Variants in CDH23 observed in about 807,000 individuals in gnomAD.
CDH23 encodes the protein cadherin related 23.
In CDH23, 189 loss-of-function variants were observed where a neutral mutation model predicts 317.1. The ratio of observed to expected loss-of-function variants is 0.60; its 90% CI spans 0.53 to 0.67. CDH23 has a LOEUF of 0.67. CDH23 is among the 30% of genes least tolerant of loss of function. CDH23 has a pLI of 0.00. For synonymous variants in CDH23, 1,839 were observed against 1,876.8 expected (o/e 0.98, Z 0.52); for missense variants, 4,401 against 4,592.4 (o/e 0.96, Z 1.20).
rs1442861833 is a variant in CDH23, at chr10:71,445,804, C to T, written c.68-514C>T. ...TCCGGCCTGCCGTGAGCCATGATCA[C>T]ACTGCTACTCTTCAGCCTGGGTGAC... is the stretch of plus-strand genomic sequence containing the variant. On this transcript the variant is annotated intron_variant, in intron 2 of 69. Coordinates refer to ENST00000224721, the MANE Select transcript of CDH23 (RefSeq NM_022124.6). 3.7e-5 allele frequency among the ~76,000 whole-genome samples: 5 copies of T among 135,658 alleles called. No individual in the cohort carries two copies. The East Asian group carries it at 9.5e-4, about 26-fold the overall frequency. The allele number at this position is 135,658 out of a possible 152,430, so 89.0% of individuals were successfully genotyped here. A position where few individuals can be genotyped will look rare whatever the true frequency, so the allele number is the denominator to read the frequency against.
At chr10:71,602,594 G>C (rs895615354) in intron 9 of CDH23, among the ~76,000 whole-genome samples, 4 of 152,078 alleles carry the variant, frequency 2.6e-5, no homozygotes, top group South Asian at 4.2e-4. Flanking sequence ...AGTTTCAGGG[G>C]CACCAACCCT....
intron 11 of CDH23, among the ~76,000 whole-genome samples, chr10:71,625,138 C>T (rs1024832693): frequency 1.3e-5 from 2 of 151,848 alleles, no homozygotes; most frequent in African/African-American, 2.4e-5. Flanking sequence ...TGGCATGAGA[C>T]GCACCCCCAC....
intron 38 of CDH23, among the ~76,000 whole-genome samples, chr10:71,746,570 G>T (rs1444574984): frequency 6.6e-6 from 1 of 152,198 alleles, no homozygotes; most frequent in Non-Finnish European, 1.5e-5. Context: ...GGCCAGGCTT[G>T]GGGGAGGGGT....
chr10:71,797,054 G>C (rs1003324013), intron 48 of CDH23, 50 bp from the exon 49 acceptor site: 1 of 1,293,760 alleles, frequency 7.7e-7, no homozygotes. Flanking sequence ...GGGAAGGGCA[G>C]ATTTTAGGGG....
intron 8 of CDH23, 60 bp from the exon 9 acceptor site, chr10:71,577,854 C>A: frequency 7.0e-7 from 1 of 1,419,354 alleles, no homozygotes; most frequent in Non-Finnish European, 9.7e-7. Flanking sequence ...GCCATGATAG[C>A]TACAAAGAAA....
At chr10:71,673,768 G>T (rs139920893) in intron 14 of CDH23, among the ~76,000 whole-genome samples, 85 of 152,356 alleles carry the variant, frequency 5.6e-4, no homozygotes, top group African/African-American at 1.9e-3. Flanking sequence ...CTACCTCACA[G>T]GGCTGTTGTG....
intron 6 of CDH23, among the ~76,000 whole-genome samples, chr10:71,539,691 C>A (rs551819232): frequency 6.6e-6 from 1 of 151,998 alleles, no homozygotes; most frequent in East Asian, 1.9e-4. Flanking sequence ...CTCCACTCTA[C>A]TTCTTTGCTC....
At chr10:71,803,178 A>T in intron 54 of CDH23, 31 bp from the exon 55 acceptor site, 1 of 1,607,146 alleles carries the variant, frequency 6.2e-7, no homozygotes, top group South Asian at 1.1e-5. Flanking sequence ...GGATGTCTCA[A>T]CCAGAGCTAC....
chr10:71,815,868 A>G lies in CDH23; in HGVS notation c.*590A>G, dbSNP rs1842118861. ...CCAAATGTGTGCCCAGCTTATAAAC[A>G]GAAGTGACTGATGTTCCCTCCGGTT... On this transcript the variant is annotated 3_prime_UTR_variant, in exon 70 of 70. Transcript: ENST00000224721. 6.4e-6 allele frequency: 1 copy of G among 157,024 alleles called. No homozygotes were observed. The highest frequency in any genetic ancestry group is 6.1e-5 in the Admixed American group (1 of 16,414). The allele number at this position is 157,024 out of a possible 1,614,324, so 9.7% of individuals were successfully genotyped here.
chr10:71,773,692 C>A (rs887949800), intron 38 of CDH23, among the ~76,000 whole-genome samples: 1 of 152,204 alleles, frequency 6.6e-6, no homozygotes, highest in African/African-American at 2.4e-5. Context: ...TGCGTCCCAG[C>A]GAGTCAGCTC....
intron 1 of CDH23, among the ~76,000 whole-genome samples, chr10:71,428,619 C>T (rs1479436725): frequency 1.3e-5 from 2 of 151,250 alleles, no homozygotes; most frequent in African/African-American, 4.9e-5. Flanking sequence ...GATGGAGTCT[C>T]ACTCCATTGC....
chr10:71,681,346 A>C (rs1281485530), intron 17 of CDH23, among the ~76,000 whole-genome samples: 2 of 152,130 alleles, frequency 1.3e-5, no homozygotes, highest in Non-Finnish European at 2.9e-5. Context: ...TCCCCAGTTG[A>C]GAATCAATGG....
At chr10:71,803,845 C>CATGG (rs907813585) in intron 55 of CDH23, among the ~76,000 whole-genome samples, 1 of 143,880 alleles carries the variant, frequency 7.0e-6, no homozygotes, top group African/African-American at 2.6e-5. Flanking sequence ...AAAGGCTGGG[C>CATGG]ATGGTGGTGC....
chr10:71,663,741 G>C (rs1438838879), intron 14 of CDH23, among the ~76,000 whole-genome samples: 2 of 152,220 alleles, frequency 1.3e-5, no homozygotes, highest in Non-Finnish European at 2.9e-5. Flanking sequence ...ACCCAGTAAG[G>C]ATTAAATCAG....
At chr10:71,790,626 G>A (rs1841224419) in intron 46 of CDH23, 2 of 618,988 alleles carry the variant, frequency 3.2e-6, no homozygotes, top group South Asian at 4.1e-5. Context: ...CGATACACAG[G>A]ACCTCTGTTG....
At chr10:71,633,413 TACACGCCCC>T (rs1367499926) in intron 11 of CDH23, among the ~76,000 whole-genome samples, 1 of 151,986 alleles carries the variant, frequency 6.6e-6, no homozygotes, top group Non-Finnish European at 1.5e-5. Flanking sequence ...CCAATACACA[TACACGCCCC>T]ACGCCCCAAA....
chr10:71,741,749 G>T lies in CDH23; in HGVS notation c.4673G>T (p.Gly1558Val), dbSNP rs1430563988. 1 of 1,612,544 alleles carries T rather than the reference G, an allele frequency of 6.2e-7. No individual in the cohort carries two copies. The highest frequency in any genetic ancestry group is 1.3e-5 in the African/African-American group (1 of 74,926). Residue 1558 changes from glycine (G) to valine (V), a missense_variant, in exon 38 of 70, where the codon GGG becomes GTG. By Grantham distance (109) the Gly-to-Val change is moderately radical. This residue lies in a region of CDH23 where 3,068 missense variants were observed against 3,203.3 expected (regional missense o/e 0.96). Coordinates refer to ENST00000224721, the MANE Select transcript of CDH23 (RefSeq NM_022124.6). ...VQVRATDRDI[G>V]INSVLSYYIT... is the part of the protein sequence containing the mutation. ...GTGAGAGCCACTGACCGTGACATCG[G>T]GATCAACAGTGTTCTGTCCTACTAC...
At chr10:71,582,278 G>A (rs1858693495) in intron 9 of CDH23, among the ~76,000 whole-genome samples, 1 of 152,182 alleles carries the variant, frequency 6.6e-6, no homozygotes, top group Non-Finnish European at 1.5e-5. Flanking sequence ...TAGCTACTGG[G>A]CACTTGAAGT....
In CDH23 at chr10:71,751,821, G is replaced by A. The variant is rs148949180; in HGVS notation, c.4845+9900G>A. The A allele has an allele frequency of 5.1e-6, 8 of 1,574,330 alleles. No individual in the cohort carries two copies. Among genetic ancestry groups the A allele is most frequent in the Non-Finnish European group, 6.9e-6 (8 of 1,161,594 alleles). On this transcript the variant is annotated intron_variant, in intron 38 of 69. Transcript: ENST00000224721. The surrounding 1 kb of genome is among the most constrained non-coding windows in gnomAD (Gnocchi z 4.9). Reference sequence around the variant, plus strand: ...GCCTCGGGTATCCCCTGGGCAGGTGGTGAGGCTTCAAAGCCGGGGTTTTCA... The same window carrying A: ...GCCTCGGGTATCCCCTGGGCAGGTGATGAGGCTTCAAAGCCGGGGTTTTCA...
Sources: gnomAD v4.1 joint callset for allele counts (sites outside exome capture counted in the v4.1 genomes callset) on GRCh38, gnomAD v4.1.1 for gene constraint, gnomAD v4.1.1 regional missense constraint, Gnocchi (gnomAD v3.1) non-coding constraint, MANE v1.5 for transcripts, NCBI Gene and HGNC (gene_info 2026-07-23, HGNC 2026-07-21) for gene names.